The following TLE1 variants were observed in gnomAD, a reference collection of about 807,000 sequenced individuals.
The protein encoded by TLE1 is TLE family member 1, transcriptional corepressor, also known as transducin-like enhancer protein 1.
A neutral mutation model predicts 89.8 loss-of-function variants in TLE1; 21 were observed. The ratio of observed to expected loss-of-function variants is 0.23; its 90% CI spans 0.17 to 0.34. The LOEUF is 0.34. TLE1 is among the 10% of genes least tolerant of loss of function. The probability of loss-of-function intolerance (pLI) is 1.00; values close to 1 mark genes in which losing one functional copy is unlikely to be tolerated. For synonymous variants in TLE1, 447 were observed against 407.6 expected (o/e 1.10, Z -1.16); for missense variants, 795 against 1,031.2 (o/e 0.77, Z 3.14).
intron 6 of TLE1, among the ~76,000 whole-genome samples, chr9:81,642,096 A>AT (rs35532445): frequency 0.59 from 89,974 of 151,922 alleles, 26,746 homozygotes; most frequent in South Asian, 0.73. Context: ...AGACAAAGAT[A>AT]GTGTTAGTGA....
intron 2 of TLE1, among the ~76,000 whole-genome samples, chr9:81,686,800 G>A (rs1481189418): frequency 6.6e-6 from 1 of 152,114 alleles, no homozygotes; most frequent in African/African-American, 2.4e-5. Context: ...AAACCAATCC[G>A]AAATGACGCC....
At position 81,615,081 on chromosome 9, in the gene TLE1, C is replaced by CAAAAAAAA. The variant is rs34947337; in HGVS notation, c.918+893_918+900dup. Among the ~76,000 whole-genome samples the CAAAAAAAA allele has an allele frequency of 1.0e-3, 25 of 25,106 alleles. 2 individuals carry two copies. The highest frequency in any genetic ancestry group is 7.0e-3 in the South Asian group (2 of 286). 16.5% of individuals were successfully genotyped at this position (25,106 alleles called of 152,430 possible). A position where few individuals can be genotyped will look rare whatever the true frequency, so the allele number is the denominator to read the frequency against. ...TGGGTGACAGAGTGAGACTCCATCTCAAAAAAAAAAAAAAAAAAAAAAAAA... is the reference window on the plus strand; with the variant it reads ...TGGGTGACAGAGTGAGACTCCATCTCAAAAAAAAAAAAAAAAAAAAAAAAAAAAAAAAA... On this transcript the variant is annotated intron_variant, in intron 11 of 19. Coordinates refer to ENST00000376499, the MANE Select transcript of TLE1 (RefSeq NM_005077.5).
In TLE1 at chr9:81,591,014, G is replaced by A. The variant is rs780061623; in HGVS notation, c.1620C>T (p.Pro540=). The A allele has an allele frequency of 1.4e-5, 23 of 1,614,106 alleles. No homozygotes were observed. The highest frequency in any genetic ancestry group is 2.2e-5 in the East Asian group (1 of 44,894). ...DNYIRSCKLL[P]DGCTLIVGGE... Reference sequence around the variant, plus strand: ...CTCCCACTATGAGAGTGCAGCCATCGGGTAGCAATTTACAGGAACGGATAT... The same window carrying A: ...CTCCCACTATGAGAGTGCAGCCATCAGGTAGCAATTTACAGGAACGGATAT... The change falls in exon 16 of 20, where the codon CCC becomes CCT. Residue 540 remains proline, a synonymous_variant. Transcript: ENST00000376499.
intron 12 of TLE1, 57 bp from the exon 13 acceptor site, chr9:81,612,016 C>G: frequency 7.5e-7 from 1 of 1,326,528 alleles, no homozygotes; most frequent in Non-Finnish European, 9.9e-7. Flanking sequence ...CAAACCTGAC[C>G]AGCAAGTCTG....
intron 14 of TLE1, among the ~76,000 whole-genome samples, chr9:81,602,985 G>A (rs1169764396): frequency 6.6e-6 from 1 of 152,128 alleles, no homozygotes; most frequent in Non-Finnish European, 1.5e-5. Flanking sequence ...CAGGGTGGTT[G>A]GGAAACCCAT....
chr9:81,669,002 G>C (rs916787476), intron 4 of TLE1, among the ~76,000 whole-genome samples: 1 of 152,006 alleles, frequency 6.6e-6, no homozygotes, highest in Non-Finnish European at 1.5e-5. Flanking sequence ...GTCAATTCTC[G>C]TTTCCCACAG....
At chr9:81,676,919 G>C (rs867607110) in intron 4 of TLE1, among the ~76,000 whole-genome samples, 1 of 152,224 alleles carries the variant, frequency 6.6e-6, no homozygotes. Flanking sequence ...ATACAACAGT[G>C]TAATACAACA....
At chr9:81,621,319 G>T (rs933879929) in intron 8 of TLE1, among the ~76,000 whole-genome samples, 3 of 152,200 alleles carry the variant, frequency 2.0e-5, no homozygotes, top group African/African-American at 7.2e-5. Flanking sequence ...CACATGACAT[G>T]ATCTGACATC....
In TLE1 at chr9:81,668,204, G is replaced by A. The variant is rs571936262; in HGVS notation, c.235-14168C>T. Among the ~76,000 whole-genome samples, 11 of 151,840 alleles carry A rather than the reference G, an allele frequency of 7.2e-5. No individual in the cohort carries two copies. In the South Asian group the frequency reaches 2.3e-3, roughly 32 times the overall value. On this transcript the variant is annotated intron_variant, in intron 4 of 19. Transcript: ENST00000376499. ...AAAGAAGGATATGTAAAGGAAGTTG[G>A]AAGTTGTGGTGGGCAAGGGTAGGGA...
chr9:81,675,343 G>A (rs996850367), intron 4 of TLE1, among the ~76,000 whole-genome samples: 3 of 152,046 alleles, frequency 2.0e-5, no homozygotes, highest in Non-Finnish European at 4.4e-5. Flanking sequence ...AATAATCAGT[G>A]GTTATACTCA....
intron 4 of TLE1, among the ~76,000 whole-genome samples, chr9:81,674,898 T>C (rs992125332): frequency 3.3e-5 from 5 of 152,104 alleles, no homozygotes; most frequent in African/African-American, 1.2e-4. Context: ...CTCACACCTG[T>C]AATCCCAGCC....
At chr9:81,639,575 G>GTTTTTTTTTTTTTT (rs1185374761) in intron 6 of TLE1, among the ~76,000 whole-genome samples, 6 of 117,786 alleles carry the variant, frequency 5.1e-5, no homozygotes, top group Non-Finnish European at 3.5e-5. Flanking sequence ...AGTAAAAGTT[G>GTTTTTTTTTTTTTT]TTTTTTTTTT....
At chr9:81,631,237 C>A (rs112773031) in intron 8 of TLE1, among the ~76,000 whole-genome samples, 2 of 152,326 alleles carry the variant, frequency 1.3e-5, no homozygotes, top group African/African-American at 4.8e-5. Flanking sequence ...CCTCCCTCCA[C>A]CCACTCCAAT....
At position 81,593,088 on chromosome 9, in the gene TLE1, G is replaced by A. The variant is rs140842722; in HGVS notation, c.1518C>T (p.Cys506=). The change falls in exon 15 of 20, where the codon TGC becomes TGT. Residue 506 remains cysteine (C), a synonymous_variant. Coordinates refer to ENST00000376499, the MANE Select transcript of TLE1 (RefSeq NM_005077.5). ...TRHVYTGGKG[C]VKVWDISHPG... ...GGTGGCTGATGTCCCAGACCTTGACGCAGCCCTTCCCGCCTGTGTACACGT... is the reference window on the plus strand; with the variant it reads ...GGTGGCTGATGTCCCAGACCTTGACACAGCCCTTCCCGCCTGTGTACACGT... 26 of 1,614,112 alleles carry A rather than the reference G, an allele frequency of 1.6e-5. No homozygotes were observed. In the African/African-American group the frequency reaches 2.3e-4, roughly 14 times the overall value.
intron 4 of TLE1, 66 bp from the exon 5 acceptor site, chr9:81,654,102 A>T: frequency 6.7e-7 from 1 of 1,490,204 alleles, no homozygotes; most frequent in Admixed American, 1.7e-5. Flanking sequence ...GTAAAACTTC[A>T]TACCCCTAAC....
In TLE1 at chr9:81,616,031, G is replaced by A. The variant is rs777351562; in HGVS notation, c.869C>T (p.Thr290Met). The change falls in exon 11 of 20, where the codon ACG (threonine) becomes ATG (methionine). Residue 290 changes from threonine to methionine, a missense_variant. Physicochemically the swap from Thr to Met is moderately conservative, Grantham distance 81. Around this residue, in one of 4 missense-constraint regions of TLE1, gnomAD observed 468 missense variants for 509.1 expected, o/e 0.92. Coordinates refer to ENST00000376499, the MANE Select transcript of TLE1 (RefSeq NM_005077.5). ...KKDASSSPAS[T>M]ASSASSTSLK... ...AGAAGTGGAACTTGCCGAGGAGGCC[G>A]TGGAAGCTGGACTGCTAGAAGCATC... 1.2e-5 allele frequency: 20 copies of A among 1,613,802 alleles called. No homozygotes were observed. Among genetic ancestry groups the A allele is most frequent in the East Asian group, 1.1e-4 (5 of 44,888 alleles).
intron 6 of TLE1, among the ~76,000 whole-genome samples, chr9:81,636,048 C>T (rs981569652): frequency 6.6e-6 from 1 of 152,044 alleles, no homozygotes; most frequent in African/African-American, 2.4e-5. Context: ...TCTTTATAAA[C>T]TTTCATTCTT....
chr9:81,677,817 T>C (rs1314385480), intron 4 of TLE1, among the ~76,000 whole-genome samples: 6 of 152,120 alleles, frequency 3.9e-5, no homozygotes, highest in Non-Finnish European at 7.3e-5. Context: ...ATAATGAATA[T>C]CCATTAGTAC....
intron 8 of TLE1, among the ~76,000 whole-genome samples, chr9:81,625,895 T>C (rs1825831209): frequency 2.0e-5 from 2 of 99,678 alleles, no homozygotes; most frequent in Admixed American, 1.2e-4. Context: ...TTCTGGAAAG[T>C]AACCTCAGAA....
Sources: gnomAD v4.1 joint callset for allele counts (sites outside exome capture counted in the v4.1 genomes callset) on GRCh38, gnomAD v4.1.1 for gene constraint, gnomAD v4.1.1 regional missense constraint, MANE v1.5 for transcripts, NCBI Gene and HGNC (gene_info 2026-07-23, HGNC 2026-07-21) for gene names.